The following NAA60 variants were observed in gnomAD, a reference collection of about 807,000 sequenced individuals.
The protein encoded by NAA60 is N-alpha-acetyltransferase 60, NatF catalytic subunit, also known as N-alpha-acetyltransferase 60.
A neutral mutation model predicts 26.1 loss-of-function variants in NAA60; 8 were observed. The observed-to-expected ratio is 0.31, with a 90% CI of 0.18 to 0.55. NAA60 has a LOEUF of 0.55. NAA60 is among the 20% of genes least tolerant of loss of function. The probability of loss-of-function intolerance (pLI) is 0.93; values close to 1 mark genes in which losing one functional copy is unlikely to be tolerated. For missense variants in NAA60, 290 were observed against 311.3 expected (o/e 0.93, Z 0.51); for synonymous variants, 131 against 122.5 (o/e 1.07, Z -0.46).
At chr16:3,455,246 G>T (rs1453703808) in intron 2 of NAA60, among the ~76,000 whole-genome samples, 2 of 151,972 alleles carry the variant, frequency 1.3e-5, no homozygotes, top group East Asian at 3.9e-4. Flanking sequence ...ATTTTTAGTA[G>T]AGATGGGGTT....
chr16:3,478,080 A>AATG (rs1398928584), intron 3 of NAA60, among the ~76,000 whole-genome samples: 25 of 143,220 alleles, frequency 1.7e-4, no homozygotes, highest in Admixed American at 5.6e-4. Flanking sequence ...TAATAATAAT[A>AATG]ATAATAATAA....
intron 2 of NAA60, among the ~76,000 whole-genome samples, chr16:3,465,910 T>C (rs2035729759): frequency 1.3e-5 from 2 of 152,168 alleles, no homozygotes; most frequent in African/African-American, 4.8e-5. Flanking sequence ...AATTAATGAC[T>C]AAATGGATTC....
chr16:3,459,283 C>T (rs972811491), intron 2 of NAA60, among the ~76,000 whole-genome samples: 3 of 152,120 alleles, frequency 2.0e-5, no homozygotes, highest in Non-Finnish European at 2.9e-5. Context: ...TCTAGAAATG[C>T]GGCAGTCCAT....
At chr16:3,459,505 C>A (rs2035233808) in intron 2 of NAA60, among the ~76,000 whole-genome samples, 3 of 152,214 alleles carry the variant, frequency 2.0e-5, no homozygotes, top group Admixed American at 2.0e-4. Context: ...TCCCAGTTAT[C>A]TTTCCAAACA....
At position 3,451,530 on chromosome 16, in the gene NAA60, A is replaced by G. The variant is rs74402200; in HGVS notation, c.-7+2990A>G. On this transcript the variant is annotated intron_variant, in intron 2 of 7. Coordinates refer to ENST00000407558, the MANE Select transcript of NAA60 (RefSeq NM_001083601.3). ...TAACACTCATTATAAAAGATGACAT[A>G]TAAATGCCTCAAAAATAGAAAAGGT... 6.2e-3 allele frequency among the ~76,000 whole-genome samples: 946 copies of G among 152,356 alleles called. 13 individuals carry two copies. Among genetic ancestry groups the G allele is most frequent in the African/African-American group, 0.02 (838 of 41,588 alleles).
At chr16:3,466,536 A>G (rs1415092761) in intron 2 of NAA60, among the ~76,000 whole-genome samples, 1 of 152,144 alleles carries the variant, frequency 6.6e-6, no homozygotes, top group Non-Finnish European at 1.5e-5. Context: ...ATCTGTCACT[A>G]ACGTGCTTTT....
chr16:3,465,565 G>A (rs1206290836), intron 2 of NAA60, among the ~76,000 whole-genome samples: 2 of 152,190 alleles, frequency 1.3e-5, no homozygotes, highest in African/African-American at 4.8e-5. Context: ...ACGGGGGTTA[G>A]TACAGCAACC....
chr16:3,458,008 C>A, intron 2 of NAA60: 8 of 985,326 alleles, frequency 8.1e-6, no homozygotes, highest in Non-Finnish European at 9.6e-6. Context: ...GCTGCGCTGC[C>A]GGCAGGGAGC....
chr16:3,448,348 C>A (rs2034639773), intron 1 of NAA60, 123 bp from the exon 2 acceptor site: 4 of 654,652 alleles, frequency 6.1e-6, no homozygotes, highest in East Asian at 6.1e-5. Context: ...AATTTTTCCC[C>A]AAAAGGGCCC....
At chr16:3,475,816 C>G (rs139492549) in intron 2 of NAA60, among the ~76,000 whole-genome samples, 2 of 152,260 alleles carry the variant, frequency 1.3e-5, no homozygotes, top group Non-Finnish European at 2.9e-5. Context: ...ATGGGGGCTG[C>G]TGAACCCACA....
intron 1 of NAA60, 77 bp downstream of exon 1, chr16:3,443,914 T>G: frequency 6.8e-7 from 1 of 1,471,984 alleles, no homozygotes; most frequent in South Asian, 1.4e-5. Flanking sequence ...GGGCGGGGGT[T>G]CGGGCCTAGC....
At chr16:3,482,438 G>A (rs969677238) in intron 4 of NAA60, 64 bp from the exon 5 acceptor site, 17 of 1,343,260 alleles carry the variant, frequency 1.3e-5, no homozygotes, top group Admixed American at 5.9e-5. Context: ...CGCCTGGGCC[G>A]GGCTGTGCAG....
At chr16:3,473,062 A>G (rs12444849) in intron 2 of NAA60, among the ~76,000 whole-genome samples, 9,338 of 151,934 alleles carry the variant, frequency 0.061, 378 homozygotes, top group Middle Eastern at 0.085. Flanking sequence ...TTGAGTCAGA[A>G]TCTCACCACG....
chr16:3,457,944 G>C, intron 2 of NAA60: 1 of 978,662 alleles, frequency 1.0e-6, no homozygotes, highest in Non-Finnish European at 1.2e-6. Flanking sequence ...CATGGCGGCA[G>C]CGCCGGCCTC....
chr16:3,447,402 TG>T, intron 1 of NAA60: 1 of 903,370 alleles, frequency 1.1e-6, no homozygotes, highest in African/African-American at 1.8e-5. Flanking sequence ...TCAAGGTAAA[TG>T]GGGTATCTTC....
In NAA60 at chr16:3,448,458, T is replaced by G. The variant is rs1170955283; in HGVS notation, c.-76-13T>G. ...GGAGTGAAGTGATGGCCTTGTGTCT[T>G]TCTCCCCTGCAGCATACAGAAAGGC... On this transcript the variant is annotated splice_polypyrimidine_tract_variant and intron_variant, in intron 1 of 7. Coordinates refer to ENST00000407558, the MANE Select transcript of NAA60 (RefSeq NM_001083601.3). 6 of 1,535,210 alleles carry G rather than the reference T, an allele frequency of 3.9e-6. No individual in the cohort carries two copies. The highest frequency in any genetic ancestry group is 5.2e-6 in the Non-Finnish European group (6 of 1,146,640).
chr16:3,450,271 G>A, intron 2 of NAA60: 1 of 299,334 alleles, frequency 3.3e-6, no homozygotes. Context: ...GCAGAGGCTG[G>A]TCAGCAAGCC....
intron 2 of NAA60, among the ~76,000 whole-genome samples, chr16:3,461,971 C>T (rs2035427300): frequency 1.3e-5 from 2 of 151,038 alleles, no homozygotes; most frequent in South Asian, 4.2e-4. Flanking sequence ...TCTGTCATCC[C>T]AGCTACTTGG....
chr16:3,474,373 C>T (rs1403131057), intron 2 of NAA60, among the ~76,000 whole-genome samples: 1 of 152,222 alleles, frequency 6.6e-6, no homozygotes. Context: ...GACACTTGGA[C>T]CCCATCAGCT....
Sources: allele counts gnomAD v4.1 joint callset (sites outside exome capture counted in the v4.1 genomes callset), GRCh38; gene constraint gnomAD v4.1.1; transcripts MANE v1.5; gene names NCBI Gene and HGNC (gene_info 2026-07-23, HGNC 2026-07-21).